Variants in HNRNPR observed in about 807,000 individuals in gnomAD.
The protein encoded by HNRNPR is heterogeneous nuclear ribonucleoprotein R.
HNRNPR carries 4 observed loss-of-function variants against 70.3 expected under a neutral mutation model. The ratio of observed to expected loss-of-function variants is 0.06; its 90% CI spans 0.03 to 0.13. The LOEUF (loss-of-function observed/expected upper bound fraction) is 0.13, where lower values mean the gene tolerates loss of function less well. Ranked by LOEUF, HNRNPR falls within the 10% of genes least tolerant of loss-of-function variation. The pLI is 1.00. For missense variants in HNRNPR, 423 were observed against 788.5 expected, an observed-to-expected ratio of 0.54 and a Z score of 5.55; for synonymous variants, 241 against 267.6, an observed-to-expected ratio of 0.90 and a Z score of 0.97.
chr1:23,317,135 A>G (rs1645574854), intron 8 of HNRNPR, among the ~76,000 whole-genome samples: 1 of 152,134 alleles, frequency 6.6e-6, no homozygotes, highest in Admixed American at 6.6e-5. Context: ...GACAACTAAA[A>G]TGCTCAAGAG....
intron 8 of HNRNPR, 31 bp from the exon 9 acceptor site, chr1:23,313,733 T>C (rs748547185): frequency 5.0e-6 from 8 of 1,589,454 alleles, no homozygotes; most frequent in South Asian, 3.5e-5. Flanking sequence ...AAAACCGTCA[T>C]TGGCTACTTA....
At chr1:23,335,216 C>T (rs1646420441) in intron 4 of HNRNPR, among the ~76,000 whole-genome samples, 1 of 152,218 alleles carries the variant, frequency 6.6e-6, no homozygotes, top group Non-Finnish European at 1.5e-5. Flanking sequence ...CAGAGCCCAG[C>T]CAGGTTTTTA....
chr1:23,324,776 C>T (rs1290522143), intron 5 of HNRNPR, among the ~76,000 whole-genome samples: 4 of 152,028 alleles, frequency 2.6e-5, no homozygotes, highest in Admixed American at 6.6e-5. Flanking sequence ...AAAAATTATA[C>T]AGTCAAAAAC....
rs1381844040 is a variant in HNRNPR, at chr1:23,307,188, T to A, written c.*3266A>T. On this transcript the variant is annotated 3_prime_UTR_variant, in exon 11 of 11. Coordinates refer to ENST00000302271, the MANE Select transcript of HNRNPR (RefSeq NM_005826.5). ...TGACAAGCAATAGCCTTATAGCAAG[T>A]ATTTACTGGAAGGGTTTGGTTTTAC... is the stretch of plus-strand genomic sequence containing the variant. 1.4e-4 allele frequency: 22 copies of A among 152,100 alleles called. No individual in the cohort carries two copies. 9.4% of individuals were successfully genotyped at this position (152,100 alleles called of 1,614,324 possible).
rs533644278 is a variant in HNRNPR at position 23,306,860 on chromosome 1, G to A, written c.*3594C>T. The A allele has an allele frequency of 6.6e-6, 1 of 152,150 alleles. No individual in the cohort carries two copies. Among genetic ancestry groups the A allele is most frequent in the African/African-American group, 2.4e-5 (1 of 41,514 alleles). The allele number at this position is 152,150 out of a possible 1,614,324, so 9.4% of individuals were successfully genotyped here. On this transcript the variant is annotated 3_prime_UTR_variant, in exon 11 of 11. Transcript: ENST00000302271. Reference sequence around the variant, plus strand: ...GTCTGGCTAATGGATTTGTTATTCTGGATTCTCCAGTCAGTCATCCAATCT... The same window carrying A: ...GTCTGGCTAATGGATTTGTTATTCTAGATTCTCCAGTCAGTCATCCAATCT...
At chr1:23,338,654 T>C in intron 2 of HNRNPR, 46 bp from the exon 3 acceptor site, 2 of 880,340 alleles carry the variant, frequency 2.3e-6, no homozygotes, top group South Asian at 1.6e-5. Context: ...ACAAAAGGGG[T>C]AATCTAAGCT....
chr1:23,330,905 T>G (rs1022491206), intron 5 of HNRNPR, among the ~76,000 whole-genome samples: 88 of 152,274 alleles, frequency 5.8e-4, no homozygotes, highest in African/African-American at 2.1e-3. Flanking sequence ...AATCCAAACC[T>G]CACAACATCA....
Position 23,310,863 on chromosome 1 carries a change from G to A in HNRNPR, c.1493C>T (p.Ala498Val). The change falls in exon 11 of 11, where the codon GCA becomes GTA. Residue 498 changes from alanine to valine, a missense_variant. This residue lies in a region of HNRNPR where 169 missense variants were observed against 195.6 expected (regional missense o/e 0.86). Transcript: ENST00000302271. The surrounding 1 kb of genome is among the most constrained non-coding windows in gnomAD (Gnocchi z 6.0). ...CCTTCCTCCTCCTCTTCCTCTTACT[G>A]CATAGCCATCATCATAGCCGTAGTA... ...DPYYGYDDGYAVRGRGGGRGG... is the reference protein window; with the variant it reads ...DPYYGYDDGYVVRGRGGGRGG... The A allele has an allele frequency of 6.2e-7, 1 of 1,613,832 alleles. No individual in the cohort carries two copies. Among genetic ancestry groups the A allele is most frequent in the Non-Finnish European group, 8.5e-7 (1 of 1,179,978 alleles).
intron 7 of HNRNPR, among the ~76,000 whole-genome samples, chr1:23,319,804 T>C (rs962779307): frequency 1.3e-5 from 2 of 152,212 alleles, no homozygotes; most frequent in Admixed American, 6.5e-5. Flanking sequence ...GTTACTGTAA[T>C]ATACTGACTT....
chr1:23,316,465 A>T (rs1206751719), intron 8 of HNRNPR, among the ~76,000 whole-genome samples: 1 of 152,188 alleles, frequency 6.6e-6, no homozygotes, highest in Non-Finnish European at 1.5e-5. Flanking sequence ...GATTAGGATG[A>T]ACTTCCATCT....
chr1:23,335,673 T>C (rs1224445708), intron 4 of HNRNPR, among the ~76,000 whole-genome samples: 2 of 152,024 alleles, frequency 1.3e-5, no homozygotes, highest in Non-Finnish European at 2.9e-5. Flanking sequence ...CATCTACCAG[T>C]ATGCCCAGAT....
chr1:23,337,098 C>CTT (rs1381426491), intron 4 of HNRNPR, among the ~76,000 whole-genome samples: 1 of 152,120 alleles, frequency 6.6e-6, no homozygotes, highest in Non-Finnish European at 1.5e-5. Flanking sequence ...GTTATAACAA[C>CTT]TTTTTATCAA....
intron 7 of HNRNPR, among the ~76,000 whole-genome samples, chr1:23,319,260 A>C (rs1392790073): frequency 2.0e-5 from 3 of 152,146 alleles, no homozygotes; most frequent in Non-Finnish European, 2.9e-5. Flanking sequence ...TTCCTACCCC[A>C]GACTTCTCTA....
chr1:23,312,524 A>G (rs1229102978), intron 9 of HNRNPR, among the ~76,000 whole-genome samples: 7 of 152,252 alleles, frequency 4.6e-5, no homozygotes, highest in Admixed American at 4.6e-4. Flanking sequence ...GGATAAGAGT[A>G]TAACAGCATA....
intron 5 of HNRNPR, among the ~76,000 whole-genome samples, chr1:23,331,557 G>A (rs1646225246): frequency 6.6e-6 from 1 of 152,092 alleles, no homozygotes; most frequent in African/African-American, 2.4e-5. Flanking sequence ...AGGTGTGGCG[G>A]CGGATGCCTG....
intron 5 of HNRNPR, among the ~76,000 whole-genome samples, chr1:23,327,995 CA>C (rs11345105): frequency 0.23 from 27,784 of 118,302 alleles, 2,575 homozygotes; most frequent in Admixed American, 0.36. Flanking sequence ...GACTCTGTCT[CA>C]AAAAAAAAAA....
chr1:23,337,837 C>T lies in HNRNPR; in HGVS notation c.301G>A (p.Val101Ile). Residue 101 changes from valine to isoleucine, a missense_variant, in exon 4 of 11, where the codon GTT (valine) becomes ATT (isoleucine). Around this residue, in one of 7 missense-constraint regions of HNRNPR, gnomAD observed 118 missense variants for 239.3 expected, o/e 0.49. Transcript: ENST00000302271. ...VQNKSAFLCG[V>I]MKTYRQREKQ... Reference sequence around the variant, plus strand: ...TCTCTCTGCCTGTAGGTCTTCATAACTCCACATAAAAATGCACTTTTGTTC... The same window carrying T: ...TCTCTCTGCCTGTAGGTCTTCATAATTCCACATAAAAATGCACTTTTGTTC... The T allele has an allele frequency of 6.2e-7, 1 of 1,612,014 alleles. No individual in the cohort carries two copies.
chr1:23,311,325 AT>A lies in HNRNPR; in HGVS notation c.1168-4del. 6.5e-7 allele frequency: 1 copy of A among 1,549,748 alleles called. No homozygotes were observed. Among genetic ancestry groups the A allele is most frequent in the Non-Finnish European group, 8.9e-7 (1 of 1,127,364 alleles). ...TTGCCATTCATTTCATCCATAGCCT[AT>A]AAAAAATTAGAAAAATTATTTTACA... On this transcript the variant is annotated splice_polypyrimidine_tract_variant and splice_region_variant and intron_variant, in intron 9 of 10. Coordinates refer to ENST00000302271, the MANE Select transcript of HNRNPR (RefSeq NM_005826.5).
intron 5 of HNRNPR, among the ~76,000 whole-genome samples, chr1:23,327,672 A>G (rs1489454784): frequency 1.3e-5 from 2 of 151,886 alleles, no homozygotes; most frequent in Non-Finnish European, 2.9e-5. Flanking sequence ...CCTATGCAAC[A>G]GAGTGAGACT....
Sources: allele counts gnomAD v4.1 joint callset (sites outside exome capture counted in the v4.1 genomes callset), GRCh38; gene constraint gnomAD v4.1.1; regional missense constraint gnomAD v4.1.1; non-coding constraint Gnocchi (gnomAD v3.1); transcripts MANE v1.5; gene names NCBI Gene and HGNC (gene_info 2026-07-23, HGNC 2026-07-21).